The following ANO2 variants were observed in gnomAD, a reference collection of about 807,000 sequenced individuals.
ANO2 encodes the protein anoctamin-2.
ANO2 carries 101 observed loss-of-function variants against 124.2 expected under a neutral mutation model. The observed-to-expected ratio is 0.81, with a 90% CI of 0.69 to 0.96. The LOEUF is 0.96. ANO2 is among the 40% of genes least tolerant of loss of function. The pLI, the probability that ANO2 is intolerant of heterozygous loss-of-function variation, is 0.00. For missense variants in ANO2, 1,293 were observed against 1,274.5 expected (o/e 1.01, Z -0.22); for synonymous variants, 486 against 482.5 (o/e 1.01, Z -0.09).
chr12:5,642,891 G>C (rs999305100), intron 15 of ANO2, among the ~76,000 whole-genome samples: 1 of 152,116 alleles, frequency 6.6e-6, no homozygotes, highest in South Asian at 2.1e-4. Context: ...TTCTCTTGCT[G>C]TTTCCTCTGC....
chr12:5,830,293 C>T, intron 6 of ANO2, 142 bp downstream of exon 6: 1 of 780,360 alleles, frequency 1.3e-6, no homozygotes, highest in Non-Finnish European at 2.0e-6. Context: ...TGGGGAAGCT[C>T]TTGCATACTC....
At chr12:5,818,750 C>A (rs1186218208) in intron 7 of ANO2, among the ~76,000 whole-genome samples, 1 of 151,910 alleles carries the variant, frequency 6.6e-6, no homozygotes, top group Non-Finnish European at 1.5e-5. Flanking sequence ...AAAATAAATG[C>A]ATTTGACACT....
At chr12:5,922,872 T>C in intron 1 of ANO2, 68 bp from the exon 2 acceptor site, 1 of 1,397,528 alleles carries the variant, frequency 7.2e-7, no homozygotes, top group South Asian at 1.6e-5. Flanking sequence ...ACTGAGGTAC[T>C]GAGTGTACTC....
chr12:5,896,817 GT>G (rs1324060056), intron 3 of ANO2, among the ~76,000 whole-genome samples: 1 of 152,112 alleles, frequency 6.6e-6, no homozygotes, highest in Admixed American at 6.5e-5. Flanking sequence ...AGGTAGAAAG[GT>G]TTTTTTAAAA....
At chr12:5,683,721 AC>A (rs1948593693) in intron 14 of ANO2, among the ~76,000 whole-genome samples, 1 of 152,106 alleles carries the variant, frequency 6.6e-6, no homozygotes, top group Non-Finnish European at 1.5e-5. Flanking sequence ...CTACAGAGTC[AC>A]CAAAAAGTCA....
chr12:5,605,737 T>C (rs1489547207), intron 19 of ANO2, among the ~76,000 whole-genome samples: 1 of 152,054 alleles, frequency 6.6e-6, no homozygotes, highest in African/African-American at 2.4e-5. Context: ...CATGAACATA[T>C]ATGGGAAAGG....
intron 3 of ANO2, among the ~76,000 whole-genome samples, chr12:5,860,119 C>A (rs920868381): frequency 6.6e-6 from 1 of 152,150 alleles, no homozygotes; most frequent in African/African-American, 2.4e-5. Flanking sequence ...GGCTGTTCCA[C>A]CAGCTTCCTA....
intron 20 of ANO2, among the ~76,000 whole-genome samples, chr12:5,585,231 G>A (rs140519228): frequency 6.6e-6 from 1 of 152,076 alleles, no homozygotes; most frequent in East Asian, 1.9e-4. Flanking sequence ...CAAATTCACT[G>A]ATCCAAATTC....
chr12:5,564,705 C>G (rs1313344227), intron 24 of ANO2: 1 of 152,288 alleles, frequency 6.6e-6, no homozygotes, highest in Non-Finnish European at 1.5e-5. Flanking sequence ...GAGGAGACTC[C>G]TGGGGGTGGG....
In ANO2 at chr12:5,575,948, T is replaced by C. The variant is rs749008626; in HGVS notation, c.2507A>G (p.Asn836Ser). The C allele has an allele frequency of 2.2e-5, 35 of 1,613,252 alleles. No homozygotes were observed. The highest frequency in any genetic ancestry group is 2.7e-5 in the Non-Finnish European group (32 of 1,179,682). Reference sequence around the variant, plus strand: ...GTTGACAAAGCCGTGCAGAGTCCCATTGTGACTGTAGGAGTACTGGTACAC... The same window carrying C: ...GTTGACAAAGCCGTGCAGAGTCCCACTGTGACTGTAGGAGTACTGGTACAC... ...RLVYQYSYSH[N>S]GTLHGFVNHT... The change falls in exon 23 of 25, where the codon AAT (asparagine) becomes AGT (serine). Residue 836 changes from asparagine (N) to serine (S), a missense_variant. Transcript: ENST00000682330.
chr12:5,699,018 T>C (rs1449842403), intron 14 of ANO2, among the ~76,000 whole-genome samples: 2 of 152,200 alleles, frequency 1.3e-5, no homozygotes, highest in Non-Finnish European at 2.9e-5. Flanking sequence ...AAAACACTCT[T>C]CAGGATATTA....
chr12:5,733,074 C>G (rs1001981318), intron 13 of ANO2: 21 of 644,606 alleles, frequency 3.3e-5, no homozygotes, highest in Non-Finnish European at 5.6e-5. Flanking sequence ...ATGTGCCCCA[C>G]AGCTGGGAGT....
chr12:5,685,069 A>C (rs977706778), intron 14 of ANO2, among the ~76,000 whole-genome samples: 1 of 152,216 alleles, frequency 6.6e-6, no homozygotes, highest in South Asian at 2.1e-4. Context: ...TTCCAGACAC[A>C]GCAGAGACTC....
intron 3 of ANO2, among the ~76,000 whole-genome samples, chr12:5,905,541 T>A (rs369047684): frequency 6.6e-6 from 1 of 152,044 alleles, no homozygotes; most frequent in Admixed American, 6.5e-5. Flanking sequence ...CAACACTGAA[T>A]AGGAAGTTCC....
At chr12:5,798,189 G>C (rs954940391) in intron 10 of ANO2, among the ~76,000 whole-genome samples, 1 of 151,948 alleles carries the variant, frequency 6.6e-6, no homozygotes, top group African/African-American at 2.4e-5. Context: ...GGGTGGCCCA[G>C]AGAACAGTCT....
intron 14 of ANO2, among the ~76,000 whole-genome samples, chr12:5,678,386 G>A (rs1309618410): frequency 6.6e-6 from 1 of 152,204 alleles, no homozygotes; most frequent in Non-Finnish European, 1.5e-5. Context: ...GCCCACACTT[G>A]AGCCGAGATC....
rs576267137 is a variant in ANO2, at chr12:5,640,744, G to A, written c.1621-5397C>T. ...AAACAACAGATGCTGGAGAGGATGC[G>A]GAGAAATAGGAACACTTTTACACTG... On this transcript the variant is annotated intron_variant, in intron 15 of 24. Coordinates refer to ENST00000682330, the MANE Select transcript of ANO2 (RefSeq NM_001364791.2). 1.6e-4 allele frequency among the ~76,000 whole-genome samples: 24 copies of A among 152,294 alleles called. 2 individuals are homozygous for A. In the South Asian group the frequency reaches 3.3e-3, roughly 21 times the overall value.
chr12:5,590,150 G>A (rs771953051), intron 20 of ANO2, among the ~76,000 whole-genome samples: 1 of 152,164 alleles, frequency 6.6e-6, no homozygotes, highest in Non-Finnish European at 1.5e-5. Flanking sequence ...GGCCACATAC[G>A]GCCCAGGACA....
chr12:5,924,097 C>T (rs1227153662), intron 1 of ANO2, among the ~76,000 whole-genome samples: 1 of 152,184 alleles, frequency 6.6e-6, no homozygotes, highest in African/African-American at 2.4e-5. Flanking sequence ...AGAAGTAACA[C>T]CTTATGTCTC....
Sources: allele counts gnomAD v4.1 joint callset (sites outside exome capture counted in the v4.1 genomes callset), GRCh38; gene constraint gnomAD v4.1.1; transcripts MANE v1.5; gene names NCBI Gene and HGNC (gene_info 2026-07-23, HGNC 2026-07-21).